The following PDE6A variants were observed in gnomAD, a reference collection of about 807,000 sequenced individuals.
PDE6A encodes the protein rod cGMP-specific 3',5'-cyclic phosphodiesterase subunit alpha.
In PDE6A, 84 loss-of-function variants were observed where a neutral mutation model predicts 106.3. That is an observed-to-expected ratio of 0.79 (90% CI 0.66 to 0.95). PDE6A has a LOEUF of 0.95. Among genes scored for constraint, PDE6A ranks in the 40% least tolerant of loss-of-function variants. The pLI is 0.00. For missense variants in PDE6A, 1,052 were observed against 1,084.9 expected (o/e 0.97, Z 0.43); for synonymous variants, 394 against 386.6 (o/e 1.02, Z -0.23).
At chr5:149,906,343 T>G (rs1253477180) in intron 7 of PDE6A, among the ~76,000 whole-genome samples, 1 of 151,324 alleles carries the variant, frequency 6.6e-6, no homozygotes, top group East Asian at 1.9e-4. Context: ...CTGGCTAACA[T>G]GGCAAAACCA....
At position 149,909,014 on chromosome 5, in the gene PDE6A, T is replaced by A. The variant is rs1011975950; in HGVS notation, c.999-1636A>T. 1.3e-4 allele frequency among the ~76,000 whole-genome samples: 20 copies of A among 152,252 alleles called. No homozygotes were observed. The South Asian group carries it at 1.4e-3, about 11-fold the overall frequency. ...TTCTTCTTGATTTTGTCAGTTTTACTATTAATTTTTTTCCTCTTATTCTTT... is the reference window on the plus strand; with the variant it reads ...TTCTTCTTGATTTTGTCAGTTTTACAATTAATTTTTTTCCTCTTATTCTTT... On this transcript the variant is annotated intron_variant, in intron 6 of 21. Coordinates refer to ENST00000255266, the MANE Select transcript of PDE6A (RefSeq NM_000440.3).
At chr5:149,913,771 C>T (rs1026007677) in intron 6 of PDE6A, among the ~76,000 whole-genome samples, 3 of 152,050 alleles carry the variant, frequency 2.0e-5, no homozygotes, top group Non-Finnish European at 4.4e-5. Flanking sequence ...GCTTTTAGCA[C>T]GTGGAGAGGA....
intron 6 of PDE6A, among the ~76,000 whole-genome samples, chr5:149,910,941 G>A (rs925495513): frequency 1.4e-5 from 2 of 141,708 alleles, no homozygotes; most frequent in Non-Finnish European, 3.0e-5. Flanking sequence ...GTGCAGTGGT[G>A]CGATCATGGC....
rs370322064 is a variant in PDE6A at position 149,914,807 on chromosome 5, T to TATA, written c.998+133_998+135dup. Reference sequence around the variant, plus strand: ...TGTCTTTCTTCAGTCCTTCTCTGTCTATAAAGTCAACCTTGTCAGAACACT... The same window carrying TATA: ...TGTCTTTCTTCAGTCCTTCTCTGTCTATAATAAAGTCAACCTTGTCAGAACACT... On this transcript the variant is annotated intron_variant, in intron 6 of 21. Transcript: ENST00000255266. 1.5e-3 allele frequency: 1,128 copies of TATA among 730,148 alleles called. 12 individuals carry two copies. In the African/African-American group the frequency reaches 0.018, roughly 12 times the overall value. 45.2% of individuals were successfully genotyped at this position (730,148 alleles called of 1,614,324 possible).
chr5:149,917,744 C>T (rs559019735), intron 5 of PDE6A, among the ~76,000 whole-genome samples: 28 of 152,242 alleles, frequency 1.8e-4, no homozygotes, highest in African/African-American at 5.3e-4. Context: ...GTTCTAGTTT[C>T]GGTCCTACTA....
intron 1 of PDE6A, among the ~76,000 whole-genome samples, chr5:149,935,254 CTGTG>C (rs1387236496): frequency 7.9e-6 from 1 of 126,524 alleles, no homozygotes; most frequent in South Asian, 2.4e-4. Context: ...ATTGTGTAGA[CTGTG>C]TGTGTGAGTG....
chr5:149,929,401 T>C (rs966114975), intron 4 of PDE6A, among the ~76,000 whole-genome samples: 4 of 151,932 alleles, frequency 2.6e-5, no homozygotes, highest in Non-Finnish European at 4.4e-5. Context: ...GGTCGGGAGA[T>C]TGAGACCATC....
chr5:149,884,455 A>G, intron 16 of PDE6A, 24 bp downstream of exon 16: 5 of 1,454,030 alleles, frequency 3.4e-6, no homozygotes, highest in Non-Finnish European at 4.8e-6. Flanking sequence ...TGCTTTTACT[A>G]TTAGAATGAG....
chr5:149,925,568 A>C (rs964202144), intron 4 of PDE6A, among the ~76,000 whole-genome samples: 1 of 152,012 alleles, frequency 6.6e-6, no homozygotes, highest in African/African-American at 2.4e-5. Flanking sequence ...TTAGCTGAGC[A>C]TGGTGGCCTG....
At chr5:149,939,412 C>T (rs1381639159) in intron 1 of PDE6A, among the ~76,000 whole-genome samples, 1 of 152,198 alleles carries the variant, frequency 6.6e-6, no homozygotes, top group African/African-American at 2.4e-5. Flanking sequence ...TCTCTGTTTT[C>T]CCACAAACAG....
intron 7 of PDE6A, among the ~76,000 whole-genome samples, chr5:149,904,730 C>T (rs1293096381): frequency 6.6e-6 from 1 of 152,134 alleles, no homozygotes. Context: ...GCTCACTGCA[C>T]CAGCCTTCTG....
chr5:149,896,507 A>G lies in PDE6A; in HGVS notation c.1474-5T>C, dbSNP rs1366454116. The G allele has an allele frequency of 1.2e-6, 2 of 1,614,206 alleles. No individual in the cohort carries two copies. Among genetic ancestry groups the G allele is most frequent in the South Asian group, 2.2e-5 (2 of 91,076 alleles). ...TGCATCTGGCAGCTCCGCTTGCTGT[A>G]TAAGGAATAGAGTCAGGTGATTAGG... On this transcript the variant is annotated splice_polypyrimidine_tract_variant and splice_region_variant and intron_variant, in intron 11 of 21. Transcript: ENST00000255266.
chr5:149,872,128 T>C (rs1327283678), intron 17 of PDE6A, among the ~76,000 whole-genome samples: 1 of 152,194 alleles, frequency 6.6e-6, no homozygotes, highest in Non-Finnish European at 1.5e-5. Flanking sequence ...CAAAATTCCA[T>C]GCAGGGCTTT....
intron 1 of PDE6A, among the ~76,000 whole-genome samples, chr5:149,942,891 G>A (rs887677663): frequency 3.3e-5 from 5 of 152,034 alleles, no homozygotes; most frequent in African/African-American, 1.2e-4. Flanking sequence ...CCATAAGGCA[G>A]TTTTCTCCTA....
intron 1 of PDE6A, among the ~76,000 whole-genome samples, chr5:149,943,581 G>A (rs1754376349): frequency 6.6e-6 from 1 of 152,198 alleles, no homozygotes; most frequent in Non-Finnish European, 1.5e-5. Context: ...TCAGCCCTCC[G>A]AGTAGATGGG....
At chr5:149,895,945 C>T (rs984667400) in intron 12 of PDE6A, among the ~76,000 whole-genome samples, 6 of 152,198 alleles carry the variant, frequency 3.9e-5, no homozygotes, top group Non-Finnish European at 7.3e-5. Context: ...CACTGCCTCC[C>T]ACACATACCT....
rs1760032751 is a variant in PDE6A at position 149,858,946 on chromosome 5, T to A, written c.*1949A>T. ...TTCAAGCGATTCTCCTGCCTCAGCC[T>A]CCTGAGTAGCTGGGATTACAGGTGC... On this transcript the variant is annotated 3_prime_UTR_variant, in exon 22 of 22. Transcript: ENST00000255266. The A allele has an allele frequency of 1.4e-5, 2 of 147,572 alleles. No individual in the cohort carries two copies. The highest frequency in any genetic ancestry group is 3.0e-5 in the Non-Finnish European group (2 of 67,484). 9.1% of individuals were successfully genotyped at this position (147,572 alleles called of 1,614,324 possible). A position where few individuals can be genotyped will look rare whatever the true frequency, so the allele number is the denominator to read the frequency against.
chr5:149,894,224 G>A (rs796717194), intron 13 of PDE6A, among the ~76,000 whole-genome samples: 2 of 152,168 alleles, frequency 1.3e-5, no homozygotes, highest in South Asian at 2.1e-4. Flanking sequence ...TTGTGTATGA[G>A]GCTGAACAAA....
chr5:149,918,759 G>C (rs928161558), intron 5 of PDE6A, among the ~76,000 whole-genome samples: 1 of 151,714 alleles, frequency 6.6e-6, no homozygotes, highest in Admixed American at 6.6e-5. Flanking sequence ...ATACAGGCAC[G>C]CGTCACCATG....
Sources: gnomAD v4.1 joint callset for allele counts (sites outside exome capture counted in the v4.1 genomes callset) on GRCh38, gnomAD v4.1.1 for gene constraint, MANE v1.5 for transcripts, NCBI Gene and HGNC (gene_info 2026-07-23, HGNC 2026-07-21) for gene names.